Variants in GPHN observed in about 807,000 individuals in gnomAD.
GPHN encodes the protein gephyrin.
In GPHN, 17 loss-of-function variants were observed where a neutral mutation model predicts 95.5. The observed-to-expected ratio is 0.18, with a 90% CI of 0.12 to 0.27. The LOEUF (loss-of-function observed/expected upper bound fraction) is 0.27, where lower values mean the gene tolerates loss of function less well. Ranked by LOEUF, GPHN falls within the 10% of genes least tolerant of loss-of-function variation. The pLI is 1.00. For missense variants in GPHN, 660 were observed against 978.1 expected, an observed-to-expected ratio of 0.67 and a Z score of 4.34; for synonymous variants, 320 against 322.5, an observed-to-expected ratio of 0.99 and a Z score of 0.08.
intron 11 of GPHN, 73 bp from the exon 12 acceptor site, chr14:67,088,910 C>T (rs1431774902): frequency 1.2e-6 from 1 of 829,144 alleles, no homozygotes; most frequent in Non-Finnish European, 2.1e-6. Flanking sequence ...GCACTCATGC[C>T]CATCTTGTTT....
intron 11 of GPHN, among the ~76,000 whole-genome samples, chr14:67,085,125 G>A (rs2076834121): frequency 6.6e-6 from 1 of 152,196 alleles, no homozygotes; most frequent in South Asian, 2.1e-4. Flanking sequence ...TCAGAAACTT[G>A]AGGGTTATTT....
At position 66,583,743 on chromosome 14, in the gene GPHN, A is replaced by C. The variant is rs549972187; in HGVS notation, c.64+75152A>C. ...GGGCTGTGTTCTGTTCCAGTGGTCT[A>C]TATCTCTGTTTTGGTACCAGTACCA... is the stretch of plus-strand genomic sequence containing the variant. On this transcript the variant is annotated intron_variant, in intron 1 of 22. Transcript: ENST00000478722. Among the ~76,000 whole-genome samples the C allele has an allele frequency of 2.6e-5, 4 of 152,212 alleles. No individual in the cohort carries two copies. The East Asian group carries it at 7.7e-4, about 29-fold the overall frequency.
chr14:67,113,959 T>A (rs1289030884), intron 16 of GPHN, among the ~76,000 whole-genome samples: 1 of 152,204 alleles, frequency 6.6e-6, no homozygotes, highest in Non-Finnish European at 1.5e-5. Context: ...GACCTTACTA[T>A]TAAAGAAAAG....
chr14:67,609,127 A>G, the GPHN span, among the ~76,000 whole-genome samples: 1 of 151,748 alleles, frequency 6.6e-6, no homozygotes, highest in Non-Finnish European at 1.5e-5. Context: ...TTTTGGGTTC[A>G]GGTAATTTTG....
chr14:66,578,169 G>C (rs1319467320), intron 1 of GPHN, among the ~76,000 whole-genome samples: 3 of 151,430 alleles, frequency 2.0e-5, no homozygotes, highest in Non-Finnish European at 4.4e-5. Context: ...AAATATGGCT[G>C]AACCGAAGAT....
At chr14:67,289,472 C>G in the GPHN span, among the ~76,000 whole-genome samples, 1 of 152,032 alleles carries the variant, frequency 6.6e-6, no homozygotes, top group Non-Finnish European at 1.5e-5. Flanking sequence ...GCAAATTTTT[C>G]TGTCTGTGGG....
chr14:67,660,148 G>A, the GPHN span: 1 of 431,036 alleles, frequency 2.3e-6, no homozygotes, highest in East Asian at 3.8e-5. Context: ...TGAACTGAAT[G>A]AATGAATGGA....
At chr14:67,239,751 G>A in the GPHN span, among the ~76,000 whole-genome samples, 263 of 152,308 alleles carry the variant, frequency 1.7e-3, 2 homozygotes, top group Non-Finnish European at 1.8e-4. Context: ...AGATACTGGG[G>A]AGGCTGAGGG....
chr14:67,284,523 C>A, the GPHN span, among the ~76,000 whole-genome samples: 1 of 118,188 alleles, frequency 8.5e-6, no homozygotes, highest in Admixed American at 1.1e-4. Flanking sequence ...GAGCTTTGAG[C>A]CCAGGAGATC....
the GPHN span, chr14:67,684,990 C>T: frequency 6.3e-7 from 1 of 1,575,356 alleles, no homozygotes; most frequent in Non-Finnish European, 8.6e-7. Context: ...TAAATCTCAT[C>T]TGCAAAAAGA....
chr14:66,719,346 G>A (rs1345677937), intron 2 of GPHN, among the ~76,000 whole-genome samples: 2 of 152,120 alleles, frequency 1.3e-5, no homozygotes, highest in Admixed American at 6.5e-5. Context: ...TCGCTTGGCT[G>A]TCTAAATTGA....
chr14:67,641,711 G>C, the GPHN span, among the ~76,000 whole-genome samples: 111 of 152,202 alleles, frequency 7.3e-4, no homozygotes, highest in African/African-American at 2.6e-3. Context: ...AGGATGAGGC[G>C]GGAGGATCAG....
chr14:66,934,919 G>T (rs1297602677), intron 8 of GPHN, among the ~76,000 whole-genome samples: 1 of 152,022 alleles, frequency 6.6e-6, no homozygotes, highest in Non-Finnish European at 1.5e-5. Flanking sequence ...TATCATCAAA[G>T]AAATAAGACA....
chr14:66,558,765 T>A (rs1011333601), intron 1 of GPHN, among the ~76,000 whole-genome samples: 1 of 152,036 alleles, frequency 6.6e-6, no homozygotes, highest in Non-Finnish European at 1.5e-5. Flanking sequence ...ACTTTAAGTT[T>A]TAGGGTACCT....
the GPHN span, among the ~76,000 whole-genome samples, chr14:67,394,899 C>G: frequency 2.5e-4 from 38 of 152,176 alleles, 1 homozygote; most frequent in East Asian, 1.5e-3. Flanking sequence ...CATGCTCAGC[C>G]CCCTCACTGT....
intron 8 of GPHN, among the ~76,000 whole-genome samples, chr14:66,956,034 C>T (rs2068484219): frequency 6.6e-6 from 1 of 152,152 alleles, no homozygotes; most frequent in African/African-American, 2.4e-5. Flanking sequence ...TTTTAAAGGA[C>T]CAACTTTGAT....
chr14:67,562,804 A>G, the GPHN span: 128 of 1,613,684 alleles, frequency 7.9e-5, no homozygotes, highest in Non-Finnish European at 9.7e-5. Context: ...ATGAGGAAAG[A>G]GAGAGCCCAA....
the GPHN span, among the ~76,000 whole-genome samples, chr14:67,258,918 T>C: frequency 6.6e-6 from 1 of 152,114 alleles, no homozygotes; most frequent in Non-Finnish European, 1.5e-5. Flanking sequence ...CTCTGCTCAC[T>C]GCAGCCTCCC....
intron 4 of GPHN, among the ~76,000 whole-genome samples, chr14:66,833,223 T>G (rs2061648894): frequency 6.6e-6 from 1 of 152,100 alleles, no homozygotes; most frequent in South Asian, 2.1e-4. Flanking sequence ...TGGTGGAAGT[T>G]GAAGCAAACA....
Sources: allele counts gnomAD v4.1 joint callset (sites outside exome capture counted in the v4.1 genomes callset), GRCh38; gene constraint gnomAD v4.1.1; transcripts MANE v1.5; gene names NCBI Gene and HGNC (gene_info 2026-07-23, HGNC 2026-07-21).